DNAH11: variants seen among roughly 807,000 people sequenced by gnomAD.
DNAH11 encodes dynein axonemal heavy chain 11.
DNAH11 carries 442 observed loss-of-function variants against 526.0 expected under a neutral mutation model. The observed-to-expected ratio is 0.84, with a 90% CI of 0.78 to 0.91. The LOEUF (loss-of-function observed/expected upper bound fraction) is 0.91, where lower values mean the gene tolerates loss of function less well. Among genes scored for constraint, DNAH11 ranks in the 40% least tolerant of loss-of-function variants. The pLI, the probability that DNAH11 is intolerant of heterozygous loss-of-function variation, is 0.00. For synonymous variants in DNAH11, 2,461 were observed against 1,935.9 expected (o/e 1.27, Z -7.12); for missense variants, 6,989 against 5,448.7 (o/e 1.28, Z -8.90).
intron 58 of DNAH11, 102 bp from the exon 59 acceptor site, chr7:21,786,519 AAGG>A: frequency 7.2e-7 from 1 of 1,379,448 alleles, no homozygotes; most frequent in African/African-American, 1.4e-5. Context: ...CTGGTTTGAT[AAGG>A]AGAAGTGGGA....
chr7:21,669,018 T>G (rs1782530222), intron 30 of DNAH11, among the ~76,000 whole-genome samples: 1 of 152,202 alleles, frequency 6.6e-6, no homozygotes, highest in Non-Finnish European at 1.5e-5. Flanking sequence ...GCCATTTCAG[T>G]GGATATAAAA....
intron 63 of DNAH11, among the ~76,000 whole-genome samples, chr7:21,809,768 G>T (rs1035734735): frequency 6.6e-6 from 1 of 151,934 alleles, no homozygotes; most frequent in African/African-American, 2.4e-5. Context: ...GTTTTACCAT[G>T]TTGCCCAGGC....
chr7:21,738,004 A>G (rs754930381), intron 46 of DNAH11, among the ~76,000 whole-genome samples: 16 of 151,572 alleles, frequency 1.1e-4, no homozygotes, highest in Non-Finnish European at 2.1e-4. Flanking sequence ...TATTGTGGCC[A>G]TTGTCGGTGG....
In DNAH11 at chr7:21,818,308, C is replaced by T; in HGVS notation, c.10660C>T (p.Leu3554=). The stretch of plus-strand genomic sequence containing the variant: ...AACGATAGATCCAGTCCTGGATCCA[C>T]TACTTGGCAGGAACACAATTAAAAA... ...EETIDPVLDP[L]LGRNTIKKGK... Residue 3554 remains leucine (L), a synonymous_variant, in exon 65 of 82, where the codon CTA becomes TTA. Transcript: ENST00000409508. The T allele has an allele frequency of 6.2e-7, 1 of 1,608,710 alleles. No individual in the cohort carries two copies. The highest frequency in any genetic ancestry group is 8.5e-7 in the Non-Finnish European group (1 of 1,178,156).
rs937703724 is a variant in DNAH11 at position 21,683,729 on chromosome 7, C to G, written c.5461-55C>G. On this transcript the variant is annotated intron_variant, in intron 31 of 81. Coordinates refer to ENST00000409508, the MANE Select transcript of DNAH11 (RefSeq NM_001277115.2). ...CCAGTAGAGTTGATTAGATTAATAACTTGTTGCCCCAAACTACCAGTGTCC... is the reference window on the plus strand; with the variant it reads ...CCAGTAGAGTTGATTAGATTAATAAGTTGTTGCCCCAAACTACCAGTGTCC... 5.4e-6 allele frequency: 8 copies of G among 1,472,812 alleles called. No individual in the cohort carries two copies. In the Admixed American group the frequency reaches 1.6e-4, roughly 30 times the overall value. 91.2% of individuals were successfully genotyped at this position (1,472,812 alleles called of 1,614,324 possible).
intron 28 of DNAH11, among the ~76,000 whole-genome samples, chr7:21,648,926 G>C (rs758773987): frequency 4.6e-5 from 7 of 151,958 alleles, no homozygotes; most frequent in Non-Finnish European, 8.8e-5. Context: ...TGACATCAGT[G>C]AGTTTGGGAA....
intron 54 of DNAH11, among the ~76,000 whole-genome samples, chr7:21,760,592 A>C (rs1336900359): frequency 6.6e-6 from 1 of 152,234 alleles, no homozygotes; most frequent in African/African-American, 2.4e-5. Context: ...ATACGTTGGC[A>C]GAGCTATGCA....
In DNAH11 at chr7:21,715,582, A is replaced by G. The variant is rs79174516; in HGVS notation, c.6984-2193A>G. Among the ~76,000 whole-genome samples, 959 of 152,270 alleles carry G rather than the reference A, an allele frequency of 6.3e-3. 16 individuals are homozygous for G. Among genetic ancestry groups the G allele is most frequent in the African/African-American group, 0.022 (915 of 41,558 alleles). ...TAATATAATAGTAGTCATGTTCCAC[A>G]TCTATCACATCTTTTAAAAATCATA... On this transcript the variant is annotated intron_variant, in intron 42 of 81. Transcript: ENST00000409508.
At position 21,786,912 on chromosome 7, in the gene DNAH11, T is replaced by G. The variant is rs1583694161; in HGVS notation, c.9741+145T>G. On this transcript the variant is annotated intron_variant, in intron 59 of 81. Coordinates refer to ENST00000409508, the MANE Select transcript of DNAH11 (RefSeq NM_001277115.2). ...AATGTAATCTACTGTATATGTTCTCTAGACTTACAGCTTTTGTTTGCCAAG... is the reference window on the plus strand; with the variant it reads ...AATGTAATCTACTGTATATGTTCTCGAGACTTACAGCTTTTGTTTGCCAAG... 6 of 1,246,416 alleles carry G rather than the reference T, an allele frequency of 4.8e-6. No individual in the cohort carries two copies. In the East Asian group the frequency reaches 1.5e-4, roughly 31 times the overall value. The allele number at this position is 1,246,416 out of a possible 1,614,324, so 77.2% of individuals were successfully genotyped here. A position where few individuals can be genotyped will look rare whatever the true frequency, so the allele number is the denominator to read the frequency against.
At chr7:21,856,942 C>G (rs1782874791) in intron 68 of DNAH11, among the ~76,000 whole-genome samples, 1 of 152,184 alleles carries the variant, frequency 6.6e-6, no homozygotes, top group Non-Finnish European at 1.5e-5. Flanking sequence ...ATCTTTCTCT[C>G]AGCACATCTA....
intron 69 of DNAH11, among the ~76,000 whole-genome samples, chr7:21,863,308 G>A (rs908238188): frequency 6.6e-6 from 1 of 152,154 alleles, no homozygotes; most frequent in African/African-American, 2.4e-5. Flanking sequence ...ACAGGAGCAA[G>A]GCATTACACA....
chr7:21,773,661 T>A (rs1358395564), intron 55 of DNAH11, 105 bp from the exon 56 acceptor site: 1 of 886,358 alleles, frequency 1.1e-6, no homozygotes, highest in Non-Finnish European at 1.6e-6. Context: ...ACTATCATTT[T>A]TTTTTCTGAC....
At chr7:21,661,056 A>C (rs1782223953) in intron 30 of DNAH11, among the ~76,000 whole-genome samples, 1 of 152,064 alleles carries the variant, frequency 6.6e-6, no homozygotes, top group Admixed American at 6.6e-5. Context: ...ATGTTCCTCC[A>C]CTCAGGCACT....
At chr7:21,658,759 G>A (rs1782122544) in intron 29 of DNAH11, 39 bp from the exon 30 acceptor site, 1 of 1,490,730 alleles carries the variant, frequency 6.7e-7, no homozygotes, top group South Asian at 1.3e-5. Context: ...TCCTTCCATA[G>A]TTAAGCCTGT....
At chr7:21,689,232 T>C (rs1042672859) in intron 34 of DNAH11, among the ~76,000 whole-genome samples, 27 of 152,214 alleles carry the variant, frequency 1.8e-4, no homozygotes, top group Admixed American at 1.6e-3. Context: ...TCAAAATCTT[T>C]TTATTTGATG....
intron 54 of DNAH11, among the ~76,000 whole-genome samples, chr7:21,761,454 C>T (rs894560256): frequency 2.6e-5 from 4 of 152,108 alleles, no homozygotes; most frequent in Non-Finnish European, 5.9e-5. Flanking sequence ...AGATTCTACG[C>T]GTATTTAACA....
At chr7:21,597,134 C>CCTGGAAGGGAG (rs1554317516) in intron 14 of DNAH11, among the ~76,000 whole-genome samples, 6 of 7,590 alleles carry the variant, frequency 7.9e-4, no homozygotes, top group Non-Finnish European at 1.1e-3. Context: ...GAATATTGGG[C>CCTGGAAGGGAG]CTGAGTGATC....
At position 21,710,670 on chromosome 7, in the gene DNAH11, T is replaced by C. The variant is rs200168142; in HGVS notation, c.6801T>C (p.Ile2267=). 4.5e-5 allele frequency: 73 copies of C among 1,612,900 alleles called. No individual in the cohort carries two copies. Among genetic ancestry groups the C allele is most frequent in the Admixed American group, 1.2e-4 (7 of 59,852 alleles). The change falls in exon 41 of 82, where the codon ATT becomes ATC. Residue 2267 remains isoleucine, a synonymous_variant. Coordinates refer to ENST00000409508, the MANE Select transcript of DNAH11 (RefSeq NM_001277115.2). ...ATGGCGATATTGACCCCATGTGGAT[T>C]GAATCACTGAATACTGTAATGGATG... is the stretch of plus-strand genomic sequence containing the variant. ...VLDGDIDPMW[I]ESLNTVMDDN...
At chr7:21,677,365 A>G (rs1406990578) in intron 30 of DNAH11, among the ~76,000 whole-genome samples, 1 of 152,064 alleles carries the variant, frequency 6.6e-6, no homozygotes, top group African/African-American at 2.4e-5. Flanking sequence ...TATCTATCAT[A>G]GTGATCTGTG....
Sources: allele counts gnomAD v4.1 joint callset (sites outside exome capture counted in the v4.1 genomes callset), GRCh38; gene constraint gnomAD v4.1.1; transcripts MANE v1.5; gene names NCBI Gene and HGNC (gene_info 2026-07-23, HGNC 2026-07-21).